Variants in CDH13 observed in about 807,000 individuals in gnomAD.
The protein encoded by CDH13 is cadherin 13.
A neutral mutation model predicts 63.8 loss-of-function variants in CDH13; 24 were observed. The observed-to-expected ratio is 0.38, with a 90% CI of 0.27 to 0.53. CDH13 has a LOEUF of 0.53. Among genes scored for constraint, CDH13 ranks in the 20% least tolerant of loss-of-function variants. CDH13 has a pLI of 0.85. For synonymous variants in CDH13, 503 were observed against 355.3 expected, an observed-to-expected ratio of 1.42 and a Z score of -4.67; for missense variants, 1,049 against 903.1, an observed-to-expected ratio of 1.16 and a Z score of -2.07.
chr16:83,611,662 A>G (rs988517906), intron 8 of CDH13, among the ~76,000 whole-genome samples: 5 of 152,002 alleles, frequency 3.3e-5, no homozygotes, highest in Admixed American at 2.6e-4. Context: ...TTAAGACTAT[A>G]TAAATTTTCC....
At chr16:83,285,875 A>C (rs1051567689) in intron 5 of CDH13, among the ~76,000 whole-genome samples, 1 of 152,220 alleles carries the variant, frequency 6.6e-6, no homozygotes, top group Non-Finnish European at 1.5e-5. Context: ...AACTCTACTC[A>C]TTGTGGCCAG....
rs148564717 is a variant in CDH13, at chr16:83,241,444, A to T, written c.636+23947A>T. The stretch of plus-strand genomic sequence containing the variant: ...AATGATTGTGCTATTTTATATTCTC[A>T]CCAAGTGTATACAAGTGTGACAATT... On this transcript the variant is annotated intron_variant, in intron 5 of 13. Transcript: ENST00000567109. 4.3e-3 allele frequency among the ~76,000 whole-genome samples: 661 copies of T among 152,284 alleles called. 2 individuals carry two copies. Among genetic ancestry groups the T allele is most frequent in the Non-Finnish European group, 6.9e-3 (466 of 68,022 alleles).
intron 6 of CDH13, among the ~76,000 whole-genome samples, chr16:83,388,852 CA>C (rs1325380660): frequency 6.6e-6 from 1 of 152,188 alleles, no homozygotes; most frequent in African/African-American, 2.4e-5. Flanking sequence ...AAGCTCAGCC[CA>C]GACCTACTGA....
intron 1 of CDH13, among the ~76,000 whole-genome samples, chr16:82,707,287 G>A (rs2031569517): frequency 6.6e-6 from 1 of 152,212 alleles, no homozygotes; most frequent in Non-Finnish European, 1.5e-5. Context: ...TTGTTATGGA[G>A]ATTTCAAAGA....
chr16:83,522,267 T>A (rs1598213509), intron 7 of CDH13, among the ~76,000 whole-genome samples: 2 of 152,330 alleles, frequency 1.3e-5, no homozygotes, highest in East Asian at 3.9e-4. Context: ...TTATAATGGA[T>A]CACGTCAAAA....
chr16:83,773,245 G>C (rs1914875776), intron 11 of CDH13, among the ~76,000 whole-genome samples: 1 of 152,184 alleles, frequency 6.6e-6, no homozygotes, highest in Non-Finnish European at 1.5e-5. Context: ...ATTTACAATT[G>C]CAAGTTTCTA....
intron 8 of CDH13, among the ~76,000 whole-genome samples, chr16:83,650,522 G>C (rs1029835489): frequency 6.6e-6 from 1 of 152,116 alleles, no homozygotes; most frequent in Non-Finnish European, 1.5e-5. Context: ...CATCTTAGCT[G>C]GATTAGTGGT....
intron 1 of CDH13, among the ~76,000 whole-genome samples, chr16:82,808,982 G>A (rs541182864): frequency 6.6e-6 from 1 of 152,200 alleles, no homozygotes; most frequent in South Asian, 2.1e-4. Context: ...TGTATCTGTA[G>A]ATATGTGTAT....
chr16:83,502,158 T>C (rs1215642401), intron 7 of CDH13, among the ~76,000 whole-genome samples: 1 of 152,182 alleles, frequency 6.6e-6, no homozygotes, highest in African/African-American at 2.4e-5. Flanking sequence ...GTAAATATGT[T>C]ACCTTACAGG....
chr16:82,718,973 G>A (rs577797882), intron 1 of CDH13, among the ~76,000 whole-genome samples: 4 of 152,154 alleles, frequency 2.6e-5, no homozygotes, highest in Non-Finnish European at 5.9e-5. Flanking sequence ...CATGTGGTCC[G>A]TATCTGTTCT....
chr16:82,833,871 C>T (rs1000231989), intron 1 of CDH13, among the ~76,000 whole-genome samples: 1 of 152,108 alleles, frequency 6.6e-6, no homozygotes. Context: ...GTGAAAAGAT[C>T]GACATGTGAG....
At chr16:82,852,412 A>G (rs1372781385) in intron 1 of CDH13, among the ~76,000 whole-genome samples, 3 of 152,086 alleles carry the variant, frequency 2.0e-5, no homozygotes, top group Admixed American at 6.5e-5. Context: ...GGCTCTTTCT[A>G]TTGGATGACT....
At chr16:83,009,770 T>G (rs985194800) in intron 2 of CDH13, among the ~76,000 whole-genome samples, 30 of 152,228 alleles carry the variant, frequency 2.0e-4, no homozygotes, top group Non-Finnish European at 2.8e-4. Context: ...AAATTAAATA[T>G]TATCAAGTGT....
In CDH13 at chr16:83,025,823, A is replaced by G. The variant is rs117318412; in HGVS notation, c.158-6187A>G. Among the ~76,000 whole-genome samples, 1,295 of 152,262 alleles carry G rather than the reference A, an allele frequency of 8.5e-3. 12 individuals are homozygous for G. Among genetic ancestry groups the G allele is most frequent in the Non-Finnish European group, 0.014 (981 of 68,030 alleles). The stretch of plus-strand genomic sequence containing the variant: ...ATGTGGAGACCTGGCACCTTGACAA[A>G]GAGTTTATAATGTAAGGTCCTGGTT... On this transcript the variant is annotated intron_variant, in intron 2 of 13. Transcript: ENST00000567109.
chr16:83,145,571 G>T (rs182668499), intron 4 of CDH13, among the ~76,000 whole-genome samples: 2 of 152,156 alleles, frequency 1.3e-5, no homozygotes. Flanking sequence ...AAACAAACAC[G>T]CCATCATTCA....
intron 6 of CDH13, among the ~76,000 whole-genome samples, chr16:83,428,608 C>T (rs1211548288): frequency 1.3e-5 from 2 of 152,104 alleles, no homozygotes; most frequent in African/African-American, 4.8e-5. Context: ...AACTTTGGTG[C>T]TTGGCATGTA....
In CDH13 at chr16:83,602,107, C is replaced by CAAAAAAAAAAAAAAAA. The variant is rs869202510; in HGVS notation, c.961-326_961-311dup. 5.0e-4 allele frequency among the ~76,000 whole-genome samples: 4 copies of CAAAAAAAAAAAAAAAA among 7,960 alleles called. 1 individual carries two copies. Among genetic ancestry groups the CAAAAAAAAAAAAAAAA allele is most frequent in the East Asian group, 3.8e-3 (1 of 260 alleles). The allele number at this position is 7,960 out of a possible 152,430, so 5.2% of individuals were successfully genotyped here. On this transcript the variant is annotated intron_variant, in intron 7 of 13. Coordinates refer to ENST00000567109, the MANE Select transcript of CDH13 (RefSeq NM_001257.5). ...CAAAAAAAAAAAAAAAGAACAACAA[C>CAAAAAAAAAAAAAAAA]AAAAAAAAAAAAAAAAAAAAAAAAA...
chr16:83,558,386 G>A (rs758290106), intron 7 of CDH13, among the ~76,000 whole-genome samples: 1 of 152,104 alleles, frequency 6.6e-6, no homozygotes, highest in Non-Finnish European at 1.5e-5. Flanking sequence ...AAAAAAAATG[G>A]GGAATTTAAG....
chr16:83,605,896 G>A (rs1336683666), intron 8 of CDH13, among the ~76,000 whole-genome samples: 1 of 152,162 alleles, frequency 6.6e-6, no homozygotes, highest in Non-Finnish European at 1.5e-5. Flanking sequence ...AAGCAATTCT[G>A]CAGGAGAGGT....
Sources: gnomAD v4.1 joint callset for allele counts (sites outside exome capture counted in the v4.1 genomes callset) on GRCh38, gnomAD v4.1.1 for gene constraint, MANE v1.5 for transcripts, NCBI Gene and HGNC (gene_info 2026-07-23, HGNC 2026-07-21) for gene names.